USP6NL: variants seen among roughly 807,000 people sequenced by gnomAD.
USP6NL encodes USP6 N-terminal-like protein.
USP6NL carries 26 observed loss-of-function variants against 61.9 expected under a neutral mutation model. That is an observed-to-expected ratio of 0.42 (90% CI 0.31 to 0.58). The LOEUF (loss-of-function observed/expected upper bound fraction) is 0.58. USP6NL is among the 20% of genes least tolerant of loss of function. The pLI is 0.16. For missense variants in USP6NL, 1,114 were observed against 1,034.3 expected (o/e 1.08, Z -1.06); for synonymous variants, 432 against 390.1 (o/e 1.11, Z -1.27).
At position 11,460,903 on chromosome 10, in the gene USP6NL, A is replaced by G. The variant is rs1249718706; in HGVS notation, c.*1538T>C. 1.3e-5 allele frequency: 2 copies of G among 152,278 alleles called. No homozygotes were observed. Among genetic ancestry groups the G allele is most frequent in the African/African-American group, 4.8e-5 (2 of 41,438 alleles). 9.4% of individuals were successfully genotyped at this position (152,278 alleles called of 1,614,324 possible). A position where few individuals can be genotyped will look rare whatever the true frequency, so the allele number is the denominator to read the frequency against. Reference sequence around the variant, plus strand: ...TCAATGTAGTGTTTAGCTTTAATACACTGCACTTGTTTTGCTATTTAATAA... The same window carrying G: ...TCAATGTAGTGTTTAGCTTTAATACGCTGCACTTGTTTTGCTATTTAATAA... On this transcript the variant is annotated 3_prime_UTR_variant, in exon 15 of 15. Coordinates refer to ENST00000609104, the MANE Select transcript of USP6NL (RefSeq NM_014688.5).
At position 11,587,771 on chromosome 10, in the gene USP6NL, C is replaced by T. The variant is rs1239951007; in HGVS notation, c.4+9860G>A. On this transcript the variant is annotated intron_variant, in intron 2 of 14. Coordinates refer to ENST00000609104, the MANE Select transcript of USP6NL (RefSeq NM_014688.5). This position sits in a 1 kb window ranked among gnomAD's most constrained non-coding sequence, Gnocchi z 4.5. The stretch of plus-strand genomic sequence containing the variant: ...AGGAATTCTACTAAAAGGGATCTCT[C>T]GATAAAAGCCAAAAGCCGTCTCATT... Among the ~76,000 whole-genome samples the T allele has an allele frequency of 2.0e-5, 3 of 152,036 alleles. No individual in the cohort carries two copies. The highest frequency in any genetic ancestry group is 4.4e-5 in the Non-Finnish European group (3 of 67,996).
At chr10:11,551,521 G>T (rs562453255) in intron 2 of USP6NL, among the ~76,000 whole-genome samples, 1 of 152,178 alleles carries the variant, frequency 6.6e-6, no homozygotes, top group Non-Finnish European at 1.5e-5. Flanking sequence ...AAGACTAACT[G>T]AATGAACAAG....
intron 2 of USP6NL, among the ~76,000 whole-genome samples, chr10:11,551,475 C>T (rs1247125926): frequency 1.3e-5 from 2 of 152,190 alleles, no homozygotes; most frequent in Non-Finnish European, 2.9e-5. Flanking sequence ...TAGGACAGTG[C>T]CCGACATCTA....
In USP6NL at chr10:11,490,940, A is replaced by C. The variant is rs1306754594; in HGVS notation, c.495-60T>G. On this transcript the variant is annotated intron_variant, in intron 8 of 14. Coordinates refer to ENST00000609104, the MANE Select transcript of USP6NL (RefSeq NM_014688.5). The surrounding 1 kb of genome is among the most constrained non-coding windows in gnomAD (Gnocchi z 4.5). ...TAATTTCACATATTTTAAAAATTAC[A>C]AACTTAAAAAAATAAACCAAAGACT... is the stretch of plus-strand genomic sequence containing the variant. 2 of 1,409,648 alleles carry C rather than the reference A, an allele frequency of 1.4e-6. No homozygotes were observed. Among genetic ancestry groups the C allele is most frequent in the African/African-American group, 2.9e-5 (2 of 68,528 alleles). 87.3% of individuals were successfully genotyped at this position (1,409,648 alleles called of 1,614,324 possible). A position where few individuals can be genotyped will look rare whatever the true frequency, so the allele number is the denominator to read the frequency against.
intron 2 of USP6NL, among the ~76,000 whole-genome samples, chr10:11,586,457 C>T (rs1388913): frequency 0.97 from 147,174 of 151,910 alleles, 71,372 homozygotes; most frequent in East Asian, 1. Context: ...TTAAGGAACA[C>T]AATTGTGAAT....
intron 1 of USP6NL, among the ~76,000 whole-genome samples, chr10:11,599,670 C>T (rs914510164): frequency 2.0e-5 from 3 of 151,276 alleles, no homozygotes; most frequent in Non-Finnish European, 2.9e-5. Context: ...TGAAGTCACG[C>T]GTTCAGGATT....
intron 2 of USP6NL, among the ~76,000 whole-genome samples, chr10:11,545,375 C>A (rs1836234778): frequency 6.6e-6 from 1 of 152,136 alleles, no homozygotes; most frequent in Non-Finnish European, 1.5e-5. Context: ...TCTCCTGTGG[C>A]CAAAAGAAAA....
chr10:11,604,995 C>T (rs2133689382), intron 1 of USP6NL, among the ~76,000 whole-genome samples: 1 of 152,156 alleles, frequency 6.6e-6, no homozygotes, highest in East Asian at 1.9e-4. Flanking sequence ...ACACAGTCAA[C>T]TACATTTATA....
In USP6NL at chr10:11,487,671, A is replaced by G; in HGVS notation, c.664+1431T>C. On this transcript the variant is annotated intron_variant, in intron 10 of 14. Coordinates refer to ENST00000609104, the MANE Select transcript of USP6NL (RefSeq NM_014688.5). This position sits in a 1 kb window ranked among gnomAD's most constrained non-coding sequence, Gnocchi z 4.2. ...GCCTACTGGATGGCAACTCAATATA[A>G]TAACATGTCTTACTTTTAGAGCCTA... Among the ~76,000 whole-genome samples the G allele has an allele frequency of 6.6e-6, 1 of 152,208 alleles. No individual in the cohort carries two copies. The highest frequency in any genetic ancestry group is 1.9e-4 in the East Asian group (1 of 5,200).
In USP6NL at chr10:11,553,166, C is replaced by T. The variant is rs1836558017; in HGVS notation, c.5-25599G>A. Among the ~76,000 whole-genome samples the T allele has an allele frequency of 6.6e-6, 1 of 152,180 alleles. No individual in the cohort carries two copies. ...TCAATCATCCTTCCTTTTACATTTG[C>T]TCCACTATCACATTAATCCACAACC... is the stretch of plus-strand genomic sequence containing the variant. On this transcript the variant is annotated intron_variant, in intron 2 of 14. Transcript: ENST00000609104. This position sits in a 1 kb window ranked among gnomAD's most constrained non-coding sequence, Gnocchi z 4.8.
intron 5 of USP6NL, among the ~76,000 whole-genome samples, chr10:11,514,265 A>G (rs1488010798): frequency 6.8e-6 from 1 of 146,116 alleles, no homozygotes; most frequent in Admixed American, 6.9e-5. Context: ...GTTCCTTAAC[A>G]ACTCTACCCA....
intron 6 of USP6NL, among the ~76,000 whole-genome samples, chr10:11,502,294 C>A (rs1349179494): frequency 6.6e-6 from 1 of 151,368 alleles, no homozygotes; most frequent in Non-Finnish European, 1.5e-5. Flanking sequence ...GTGTCATCAA[C>A]TCCCTCCATC....
At chr10:11,466,673 T>A (rs2133156489) in intron 14 of USP6NL, among the ~76,000 whole-genome samples, 1 of 152,298 alleles carries the variant, frequency 6.6e-6, no homozygotes, top group African/African-American at 2.4e-5. Flanking sequence ...TTCTGAGAAA[T>A]AAGTTGTCAG....
rs893900283 is a variant in USP6NL at position 11,495,534 on chromosome 10, T to C, written c.385-2306A>G. Among the ~76,000 whole-genome samples, 3 of 152,188 alleles carry C rather than the reference T, an allele frequency of 2.0e-5. No individual in the cohort carries two copies. The highest frequency in any genetic ancestry group is 7.2e-5 in the African/African-American group (3 of 41,440). ...TTTCTTGTATTTTTCTGTATTATTTTACATCTCTTTGCTTTTATAACTGAC... is the reference window on the plus strand; with the variant it reads ...TTTCTTGTATTTTTCTGTATTATTTCACATCTCTTTGCTTTTATAACTGAC... On this transcript the variant is annotated intron_variant, in intron 7 of 14. Transcript: ENST00000609104. The surrounding 1 kb of genome is among the most constrained non-coding windows in gnomAD (Gnocchi z 4.6).
chr10:11,563,530 T>C (rs1322873468), intron 2 of USP6NL: 1 of 152,104 alleles, frequency 6.6e-6, no homozygotes, highest in African/African-American at 2.4e-5. Flanking sequence ...GATATTTAAC[T>C]AAAGTTACAT....
chr10:11,489,124 T>C lies in USP6NL; in HGVS notation c.642A>G (p.Ser214=). ...TACCATGCATGGCATGTTTAGGGCC[T>C]GAGAAGAGTTTGACCAGGGCCCAGA... The part of the protein sequence containing the change: ...DAFWALVKLF[S]GPKHAMHGFF... The change falls in exon 10 of 15, where the codon TCA becomes TCG. Residue 214 remains serine, a synonymous_variant. Transcript: ENST00000609104. The surrounding 1 kb of genome is among the most constrained non-coding windows in gnomAD (Gnocchi z 5.7). 1 of 1,613,948 alleles carries C rather than the reference T, an allele frequency of 6.2e-7. No individual in the cohort carries two copies. The highest frequency in any genetic ancestry group is 8.5e-7 in the Non-Finnish European group (1 of 1,179,838).
chr10:11,485,040 C>G lies in USP6NL; in HGVS notation c.856G>C (p.Asp286His). Reference protein sequence around the residue: ...TPFTLNLRIWDIYIFEGERVL... With the variant: ...TPFTLNLRIWHIYIFEGERVL... ...CGTTCTCCTTCAAAGATGTAGATAT[C>G]CCATATTCTGAGGTTTAGTGTAAAG... The change falls in exon 13 of 15, where the codon GAT becomes CAT. Residue 286 changes from aspartate to histidine, a missense_variant. Asp to His is a moderately conservative substitution (Grantham distance 81). Coordinates refer to ENST00000609104, the MANE Select transcript of USP6NL (RefSeq NM_014688.5). This position sits in a 1 kb window ranked among gnomAD's most constrained non-coding sequence, Gnocchi z 4.8. The G allele has an allele frequency of 6.4e-7, 1 of 1,551,062 alleles. No homozygotes were observed.
intron 3 of USP6NL, among the ~76,000 whole-genome samples, chr10:11,526,526 C>A (rs557472840): frequency 6.6e-6 from 1 of 152,278 alleles, no homozygotes; most frequent in African/African-American, 2.4e-5. Context: ...TTTTCATGGA[C>A]TACAATAAAA....
In USP6NL at chr10:11,518,655, T is replaced by A; in HGVS notation, c.156-81A>T. ...AAGCTTATATACTTATAGATACATA[T>A]GACATACAATATTTATTTGTCATCA... On this transcript the variant is annotated intron_variant, in intron 4 of 14. Transcript: ENST00000609104. This position sits in a 1 kb window ranked among gnomAD's most constrained non-coding sequence, Gnocchi z 5.3. 1 of 1,017,508 alleles carries A rather than the reference T, an allele frequency of 9.8e-7. No individual in the cohort carries two copies. The highest frequency in any genetic ancestry group is 1.5e-6 in the Non-Finnish European group (1 of 665,968). 63.0% of individuals were successfully genotyped at this position (1,017,508 alleles called of 1,614,324 possible).
Sources: allele counts gnomAD v4.1 joint callset (sites outside exome capture counted in the v4.1 genomes callset), GRCh38; gene constraint gnomAD v4.1.1; non-coding constraint Gnocchi (gnomAD v3.1); transcripts MANE v1.5; gene names NCBI Gene and HGNC (gene_info 2026-07-23, HGNC 2026-07-21).